The following DPYD variants were observed in gnomAD, a reference collection of about 807,000 sequenced individuals.
The protein encoded by DPYD is dihydropyrimidine dehydrogenase.
A neutral mutation model predicts 116.2 loss-of-function variants in DPYD; 109 were observed. The ratio of observed to expected loss-of-function variants is 0.94; its 90% CI spans 0.80 to 1.10. The LOEUF (loss-of-function observed/expected upper bound fraction) is 1.10. DPYD is among the 50% of genes least tolerant of loss of function. DPYD has a pLI of 0.00. For synonymous variants in DPYD, 440 were observed against 432.0 expected (o/e 1.02, Z -0.23); for missense variants, 1,302 against 1,254.5 (o/e 1.04, Z -0.57).
chr1:97,285,337 C>A (rs766538672), intron 18 of DPYD, among the ~76,000 whole-genome samples: 2 of 152,146 alleles, frequency 1.3e-5, no homozygotes, highest in African/African-American at 2.4e-5. Context: ...TATCCTATGG[C>A]ATCAGAACAA....
chr1:97,821,435 T>C (rs887615524), intron 3 of DPYD, among the ~76,000 whole-genome samples: 2 of 151,636 alleles, frequency 1.3e-5, no homozygotes, highest in African/African-American at 2.4e-5. Context: ...CAGAATATGA[T>C]AGTAAAGAAA....
chr1:97,415,945 T>A (rs1344948054), intron 14 of DPYD, among the ~76,000 whole-genome samples: 1 of 152,212 alleles, frequency 6.6e-6, no homozygotes. Context: ...AAGTTTTATT[T>A]TCTCGTATAT....
intron 7 of DPYD, 112 bp downstream of exon 7, chr1:97,691,605 G>T: frequency 1.1e-6 from 1 of 933,690 alleles, no homozygotes; most frequent in Non-Finnish European, 1.7e-6. Context: ...TCTGCCTGAT[G>T]TAGCTTTTAA....
intron 3 of DPYD, among the ~76,000 whole-genome samples, chr1:97,809,132 A>C (rs919347220): frequency 6.6e-6 from 1 of 152,192 alleles, no homozygotes; most frequent in African/African-American, 2.4e-5. Context: ...TTTGAACAGA[A>C]GAGAAATATG....
At chr1:97,399,998 G>T (rs1673274509) in intron 14 of DPYD, among the ~76,000 whole-genome samples, 1 of 152,140 alleles carries the variant, frequency 6.6e-6, no homozygotes, top group Non-Finnish European at 1.5e-5. Context: ...GAATAGGAGT[G>T]GTGAGAGAGG....
chr1:97,908,259 T>C (rs1673745218), intron 1 of DPYD, among the ~76,000 whole-genome samples: 1 of 151,976 alleles, frequency 6.6e-6, no homozygotes. Flanking sequence ...TTGCCCGGGC[T>C]GGTCTTGAAC....
intron 21 of DPYD, among the ~76,000 whole-genome samples, chr1:97,082,679 C>T (rs1472372043): frequency 6.6e-6 from 1 of 152,042 alleles, no homozygotes. Context: ...GCATGCCTGG[C>T]TTAGAAATAC....
At chr1:97,831,452 G>T (rs1385966233) in intron 2 of DPYD, among the ~76,000 whole-genome samples, 1 of 152,132 alleles carries the variant, frequency 6.6e-6, no homozygotes, top group East Asian at 1.9e-4. Flanking sequence ...ATGGATCTGA[G>T]AAAAACTGTA....
chr1:97,202,432 A>G (rs1659273213), intron 19 of DPYD, among the ~76,000 whole-genome samples: 1 of 152,180 alleles, frequency 6.6e-6, no homozygotes, highest in East Asian at 1.9e-4. Flanking sequence ...CTCTGTGGTC[A>G]TTCTTTAATT....
In DPYD at chr1:97,134,989, ATT is replaced by A. The variant is rs780298959; in HGVS notation, c.2623-36359_2623-36358del. On this transcript the variant is annotated intron_variant, in intron 20 of 22. Coordinates refer to ENST00000370192, the MANE Select transcript of DPYD (RefSeq NM_000110.4). ...TCCAGGTGGGGTCTTATATATATAT[ATT>A]TTTTTTATTTAAAAAGTGTTTTGGA... Among the ~76,000 whole-genome samples the A allele has an allele frequency of 7.3e-4, 80 of 109,586 alleles. No homozygotes were observed. In the South Asian group the frequency reaches 0.01, roughly 14 times the overall value. 71.9% of individuals were successfully genotyped at this position (109,586 alleles called of 152,430 possible).
At chr1:97,761,175 A>C (rs1173100258) in intron 3 of DPYD, among the ~76,000 whole-genome samples, 1 of 152,138 alleles carries the variant, frequency 6.6e-6, no homozygotes, top group Non-Finnish European at 1.5e-5. Context: ...TTAGTTCATC[A>C]AGATAAAAAC....
Position 97,098,539 on chromosome 1 carries a change from G to A in DPYD, c.2716C>T (p.Pro906Ser). ...GGGATAAAACAGTTTCTCTTAAGTG[G>A]TGAAAAAGCTACATTTTGTTCTTTC... ...RLKEQNVAFS[P>S]LKRNCFIPKR... The change falls in exon 21 of 23, where the codon CCA becomes TCA. Residue 906 changes from proline (P) to serine (S), a missense_variant. Physicochemically the swap from Pro to Ser is moderately conservative, Grantham distance 74. Transcript: ENST00000370192. 6.2e-7 allele frequency: 1 copy of A among 1,613,110 alleles called. No homozygotes were observed. Among genetic ancestry groups the A allele is most frequent in the Non-Finnish European group, 8.5e-7 (1 of 1,179,452 alleles).
intron 3 of DPYD, among the ~76,000 whole-genome samples, chr1:97,786,316 A>G (rs1254291015): frequency 6.6e-6 from 1 of 152,208 alleles, no homozygotes; most frequent in Non-Finnish European, 1.5e-5. Flanking sequence ...GATTCTTTTA[A>G]CGTACAGATG....
intron 8 of DPYD, among the ~76,000 whole-genome samples, chr1:97,658,968 T>C (rs1335639005): frequency 6.6e-6 from 1 of 152,056 alleles, no homozygotes; most frequent in Non-Finnish European, 1.5e-5. Context: ...ACTTCTCTTT[T>C]CCTGTTAACT....
At chr1:97,359,477 T>G (rs1330554524) in intron 16 of DPYD, among the ~76,000 whole-genome samples, 1 of 152,076 alleles carries the variant, frequency 6.6e-6, no homozygotes, top group Non-Finnish European at 1.5e-5. Context: ...AGATACTCCT[T>G]GAGAAGAGCA....
At chr1:97,765,131 C>T (rs1372408195) in intron 3 of DPYD, among the ~76,000 whole-genome samples, 1 of 152,126 alleles carries the variant, frequency 6.6e-6, no homozygotes, top group Non-Finnish European at 1.5e-5. Context: ...AATGCCTTGA[C>T]CTTTTTCAGT....
At chr1:97,644,771 T>C (rs1658159172) in intron 8 of DPYD, among the ~76,000 whole-genome samples, 1 of 152,038 alleles carries the variant, frequency 6.6e-6, no homozygotes, top group Non-Finnish European at 1.5e-5. Context: ...TTTACATGTT[T>C]TTAATGTCAA....
At chr1:97,916,376 G>C (rs1183599795) in intron 1 of DPYD, among the ~76,000 whole-genome samples, 3 of 152,066 alleles carry the variant, frequency 2.0e-5, no homozygotes, top group Non-Finnish European at 4.4e-5. Context: ...TCCCCTTCCT[G>C]TGTTCATGTG....
intron 14 of DPYD, among the ~76,000 whole-genome samples, chr1:97,417,866 G>C (rs1207999050): frequency 6.6e-6 from 1 of 152,128 alleles, no homozygotes; most frequent in Admixed American, 6.5e-5. Context: ...TCTCTCTGGG[G>C]AAATTCATGT....
Sources: allele counts gnomAD v4.1 joint callset (sites outside exome capture counted in the v4.1 genomes callset), GRCh38; gene constraint gnomAD v4.1.1; transcripts MANE v1.5; gene names NCBI Gene and HGNC (gene_info 2026-07-23, HGNC 2026-07-21).